EMSY: variants seen among roughly 807,000 people sequenced by gnomAD.
EMSY encodes the protein EMSY transcriptional repressor, BRCA2 interacting.
In EMSY, 26 loss-of-function variants were observed where a neutral mutation model predicts 134.6. That is an observed-to-expected ratio of 0.19 (90% confidence interval 0.14 to 0.27). The LOEUF is 0.27. EMSY is among the 10% of genes least tolerant of loss of function. The probability of loss-of-function intolerance (pLI) is 1.00; values close to 1 mark genes in which losing one functional copy is unlikely to be tolerated. For synonymous variants in EMSY, 579 were observed against 577.8 expected (o/e 1.00, Z -0.03); for missense variants, 1,305 against 1,611.4 (o/e 0.81, Z 3.26).
At chr11:76,516,094 T>C (rs1346326193) in intron 10 of EMSY, 48 bp from the exon 12 acceptor site, 4 of 1,480,466 alleles carry the variant, frequency 2.7e-6, no homozygotes, top group Non-Finnish European at 3.7e-6. Flanking sequence ...ATTATCATTC[T>C]TCTGTAAGCA....
At chr11:76,495,165 G>A (rs1565315546) in intron 8 of EMSY, among the ~76,000 whole-genome samples, 1 of 152,180 alleles carries the variant, frequency 6.6e-6, no homozygotes, top group African/African-American at 2.4e-5. Flanking sequence ...GACTTCTCAA[G>A]TTTTATCCTC....
chr11:76,539,557 A>G (rs747807464), intron 16 of EMSY, 42 bp from the exon 18 acceptor site: 14 of 1,597,198 alleles, frequency 8.8e-6, no homozygotes, highest in Non-Finnish European at 8.6e-7. Context: ...CATGGTGAAC[A>G]GATGAAAAGA....
chr11:76,509,424 T>A (rs1950194565), intron 9 of EMSY, among the ~76,000 whole-genome samples: 1 of 152,052 alleles, frequency 6.6e-6, no homozygotes, highest in African/African-American at 2.4e-5. Flanking sequence ...ACCCAGGAAG[T>A]GGAGGTTGCA....
In EMSY at chr11:76,500,919, C is replaced by T. The variant is rs147100148; in HGVS notation, c.1363+4450C>T. ...AACCAGTACCCAGGTACTGCATGGT[C>T]ATCCCTCAGTATCCGTGGAAGATTG... On this transcript the variant is annotated intron_variant, in intron 9 of 20. Coordinates refer to ENST00000334736, the Ensembl canonical transcript of EMSY. Among the ~76,000 whole-genome samples the T allele has an allele frequency of 8.5e-5, 13 of 152,316 alleles. No homozygotes were observed. The East Asian group carries it at 2.5e-3, about 29-fold the overall frequency.
chr11:76,538,417 G>A (rs889349247), intron 16 of EMSY, among the ~76,000 whole-genome samples: 4 of 151,992 alleles, frequency 2.6e-5, no homozygotes, highest in Non-Finnish European at 5.9e-5. Context: ...GTGCCACTAT[G>A]CCTGGTTAAT....
chr11:76,520,092 A>T (rs979788264), intron 11 of EMSY, among the ~76,000 whole-genome samples: 2 of 152,088 alleles, frequency 1.3e-5, no homozygotes, highest in African/African-American at 4.8e-5. Flanking sequence ...AATGTAATGT[A>T]TTTATCCCCT....
chr11:76,463,545 C>T (rs1389211464), intron 6 of EMSY, among the ~76,000 whole-genome samples: 1 of 151,294 alleles, frequency 6.6e-6, no homozygotes, highest in Non-Finnish European at 1.5e-5. Flanking sequence ...ATGGCGTGAA[C>T]CCGGGAAGCG....
chr11:76,539,732 C>A, intron 17 of EMSY, 92 bp downstream of exon 18: 1 of 1,210,624 alleles, frequency 8.3e-7, no homozygotes, highest in Non-Finnish European at 1.2e-6. Context: ...CTACTCTCAT[C>A]TGGTAGAGGA....
chr11:76,477,229 T>C (rs1277552456), intron 8 of EMSY, among the ~76,000 whole-genome samples: 1 of 151,606 alleles, frequency 6.6e-6, no homozygotes, highest in Non-Finnish European at 1.5e-5. Context: ...CACGTGAAAT[T>C]CTTTTCTCTG....
chr11:76,505,810 T>G (rs1427154359), intron 9 of EMSY, among the ~76,000 whole-genome samples: 1 of 151,318 alleles, frequency 6.6e-6, no homozygotes, highest in Non-Finnish European at 1.5e-5. Flanking sequence ...TGAACCAAGA[T>G]CACGCCCCTG....
intron 4 of EMSY, 38 bp downstream of exon 4, chr11:76,453,426 C>T (rs1340969736): frequency 1.3e-6 from 2 of 1,566,308 alleles, no homozygotes; most frequent in South Asian, 2.3e-5. Flanking sequence ...TTTTTTATGA[C>T]ATAGTATAAC....
intron 4 of EMSY, chr11:76,453,597 C>G (rs946349410): frequency 8.3e-5 from 33 of 395,964 alleles, no homozygotes; most frequent in South Asian, 1.8e-4. Context: ...TTTAAGTACT[C>G]AGGTCAAATC....
intron 18 of EMSY, among the ~76,000 whole-genome samples, chr11:76,542,753 G>GTTTTTTTTTTTTTT (rs1555077830): frequency 7.3e-5 from 8 of 109,210 alleles, no homozygotes; most frequent in Non-Finnish European, 1.1e-4. Flanking sequence ...TTCGTTTTTT[G>GTTTTTTTTTTTTTT]TTTTTTTTTT....
At chr11:76,507,874 T>C (rs1169579023) in intron 9 of EMSY, among the ~76,000 whole-genome samples, 1 of 148,362 alleles carries the variant, frequency 6.7e-6, no homozygotes, top group African/African-American at 2.6e-5. Flanking sequence ...TCTTTTTTTT[T>C]TTTTTCTTTT....
chr11:76,480,882 G>A (rs1455747643), intron 8 of EMSY, among the ~76,000 whole-genome samples: 1 of 152,222 alleles, frequency 6.6e-6, no homozygotes, highest in Non-Finnish European at 1.5e-5. Flanking sequence ...AGTGCATTCA[G>A]GCCCAGATAC....
chr11:76,503,130 G>C (rs1370480758), intron 9 of EMSY, among the ~76,000 whole-genome samples: 1 of 151,736 alleles, frequency 6.6e-6, no homozygotes, highest in African/African-American at 2.4e-5. Context: ...GTGAAACCCT[G>C]TCTCTACTAA....
In EMSY at chr11:76,514,213, C is replaced by T. The variant is rs182023027; in HGVS notation, c.1513+678C>T. ...TGGGATAATAATACCTATGCCATAACGTTATTATAAGTACTAAATGAAATC... is the reference window on the plus strand; with the variant it reads ...TGGGATAATAATACCTATGCCATAATGTTATTATAAGTACTAAATGAAATC... On this transcript the variant is annotated intron_variant, in intron 10 of 20. Coordinates refer to ENST00000334736, the Ensembl canonical transcript of EMSY. Among the ~76,000 whole-genome samples the T allele has an allele frequency of 2.0e-4, 31 of 152,070 alleles. No individual in the cohort carries two copies. In the East Asian group the frequency reaches 5.8e-3, roughly 28 times the overall value.
chr11:76,534,955 T>C (rs1277534199), intron 14 of EMSY, among the ~76,000 whole-genome samples: 3 of 152,166 alleles, frequency 2.0e-5, no homozygotes, highest in African/African-American at 2.4e-5. Flanking sequence ...ACTAAAAGAA[T>C]AACTTGTTGC....
At chr11:76,546,911 G>T in intron 20 of EMSY, 3 of 272,656 alleles carry the variant, frequency 1.1e-5, no homozygotes, top group South Asian at 3.4e-5. Context: ...ATCTTGTTTG[G>T]TTTCTGTCAT....
Sources: allele counts gnomAD v4.1 joint callset (sites outside exome capture counted in the v4.1 genomes callset), GRCh38; gene constraint gnomAD v4.1.1; transcripts MANE v1.5; gene names NCBI Gene and HGNC (gene_info 2026-07-23, HGNC 2026-07-21).